The following DSCAML1 variants were observed in gnomAD, a reference collection of about 807,000 sequenced individuals.
DSCAML1 encodes the protein cell adhesion molecule DSCAML1.
Under a neutral mutation model 200.5 loss-of-function variants are expected in DSCAML1, and 38 were observed. The observed-to-expected ratio is 0.19, with a 90% CI of 0.15 to 0.25. The LOEUF (loss-of-function observed/expected upper bound fraction) is 0.25, where lower values mean the gene tolerates loss of function less well. DSCAML1 is among the 10% of genes least tolerant of loss of function. DSCAML1 has a pLI of 1.00. For synonymous variants in DSCAML1, 1,215 were observed against 1,165.0 expected (o/e 1.04, Z -0.87); for missense variants, 2,223 against 2,858.8 (o/e 0.78, Z 5.07).
intron 3 of DSCAML1, among the ~76,000 whole-genome samples, chr11:117,574,103 AC>A (rs1363085423): frequency 1.3e-5 from 2 of 151,794 alleles, no homozygotes; most frequent in Non-Finnish European, 2.9e-5. Flanking sequence ...CCACCCTTCC[AC>A]CTCGACTCCT....
chr11:117,621,546 G>A (rs962936788), intron 3 of DSCAML1, among the ~76,000 whole-genome samples: 4 of 152,168 alleles, frequency 2.6e-5, no homozygotes, highest in African/African-American at 7.2e-5. Context: ...TGAGTCTCAG[G>A]AAAAGGAAAA....
chr11:117,719,109 G>A (rs1381309886), intron 3 of DSCAML1, among the ~76,000 whole-genome samples: 1 of 152,080 alleles, frequency 6.6e-6, no homozygotes. Context: ...AGTAACCTAG[G>A]GGGAGGGTGC....
intron 3 of DSCAML1, among the ~76,000 whole-genome samples, chr11:117,564,790 G>C (rs1413278703): frequency 7.1e-6 from 1 of 141,628 alleles, no homozygotes; most frequent in Non-Finnish European, 1.5e-5. Flanking sequence ...CTTTTTGATG[G>C]AGTCTCGCTC....
At chr11:117,524,060 T>G (rs1384933215) in intron 5 of DSCAML1, among the ~76,000 whole-genome samples, 1 of 151,940 alleles carries the variant, frequency 6.6e-6, no homozygotes, top group African/African-American at 2.4e-5. Flanking sequence ...GGGAAAGGGG[T>G]GAGCTGGGCC....
rs1293034943 is a variant in DSCAML1, at chr11:117,516,138, G to A, written c.1783+329C>T. 6.6e-6 allele frequency among the ~76,000 whole-genome samples: 1 copy of A among 152,160 alleles called. No homozygotes were observed. Among genetic ancestry groups the A allele is most frequent in the Non-Finnish European group, 1.5e-5 (1 of 68,028 alleles). On this transcript the variant is annotated intron_variant, in intron 8 of 32. Transcript: ENST00000651296. This position sits in a 1 kb window ranked among gnomAD's most constrained non-coding sequence, Gnocchi z 5.7. ...TGGGGGCTCCATCCCAACAGCAGAG[G>A]CCCCATGCAGCCCATCTCTGACCTG... is the stretch of plus-strand genomic sequence containing the variant.
chr11:117,749,591 C>G (rs2054571974), intron 3 of DSCAML1, among the ~76,000 whole-genome samples: 1 of 152,238 alleles, frequency 6.6e-6, no homozygotes, highest in Admixed American at 6.5e-5. Flanking sequence ...TCGGAACCAG[C>G]CCATCTGCTG....
rs538658287 is a variant in DSCAML1 at position 117,438,871 on chromosome 11, A to G, written c.4243+14T>C. ...CCTTCCCCTATCTTCCCCCGCATCC[A>G]GACCCCTCCTCACCTCGGATGGAGC... On this transcript the variant is annotated intron_variant, in intron 24 of 32. Coordinates refer to ENST00000651296, the MANE Select transcript of DSCAML1 (RefSeq NM_020693.4). The G allele has an allele frequency of 1.3e-6, 2 of 1,559,646 alleles. No individual in the cohort carries two copies. Among genetic ancestry groups the G allele is most frequent in the Admixed American group, 4.2e-5 (2 of 47,640 alleles).
intron 3 of DSCAML1, among the ~76,000 whole-genome samples, chr11:117,561,894 C>T (rs1283936830): frequency 2.0e-5 from 3 of 152,238 alleles, no homozygotes; most frequent in African/African-American, 4.8e-5. Flanking sequence ...TCCTCAGCAC[C>T]TTCCACAATG....
chr11:117,509,346 G>A (rs573048514), intron 8 of DSCAML1, among the ~76,000 whole-genome samples: 7 of 152,258 alleles, frequency 4.6e-5, no homozygotes, highest in African/African-American at 1.4e-4. Context: ...CAACAGCTCC[G>A]AGAGGCCACT....
chr11:117,538,190 C>T (rs1306902829), intron 3 of DSCAML1, among the ~76,000 whole-genome samples: 1 of 152,096 alleles, frequency 6.6e-6, no homozygotes, highest in Non-Finnish European at 1.5e-5. Context: ...GGCAGAGAAC[C>T]CCTGGATGAG....
intron 3 of DSCAML1, among the ~76,000 whole-genome samples, chr11:117,726,090 C>T (rs1329508441): frequency 6.6e-6 from 1 of 152,216 alleles, no homozygotes; most frequent in Non-Finnish European, 1.5e-5. Flanking sequence ...CCATAGGACA[C>T]CACCCACGAG....
intron 3 of DSCAML1, among the ~76,000 whole-genome samples, chr11:117,572,732 T>C (rs1284088572): frequency 6.6e-6 from 1 of 151,956 alleles, no homozygotes; most frequent in African/African-American, 2.4e-5. Context: ...GGCAAATGAG[T>C]CCCTGCCCTT....
At chr11:117,742,789 G>A (rs1394645749) in intron 3 of DSCAML1, among the ~76,000 whole-genome samples, 8 of 152,196 alleles carry the variant, frequency 5.3e-5, no homozygotes, top group East Asian at 1.9e-4. Flanking sequence ...ATATTTGGAG[G>A]AGAAGGCTGC....
At chr11:117,652,245 C>A (rs114299798) in intron 3 of DSCAML1, among the ~76,000 whole-genome samples, 1 of 152,216 alleles carries the variant, frequency 6.6e-6, no homozygotes, top group African/African-American at 2.4e-5. Context: ...TAGTCTCCAG[C>A]GTGTTGCCTG....
intron 3 of DSCAML1, among the ~76,000 whole-genome samples, chr11:117,579,455 C>T (rs573254812): frequency 1.3e-5 from 2 of 152,322 alleles, no homozygotes; most frequent in South Asian, 2.1e-4. Context: ...CCAGCTGCTC[C>T]TTCTGCTTAG....
chr11:117,558,153 G>A lies in DSCAML1; in HGVS notation c.512-25631C>T, dbSNP rs1022211338. Among the ~76,000 whole-genome samples, 18 of 152,194 alleles carry A rather than the reference G, an allele frequency of 1.2e-4. No homozygotes were observed. In the South Asian group the frequency reaches 1.9e-3, roughly 16 times the overall value. The stretch of plus-strand genomic sequence containing the variant: ...TGTCTCCCAGGCACAGGGCAGTGCC[G>A]GGTGCCATAGAGGCAACAAAAGAAG... On this transcript the variant is annotated intron_variant, in intron 3 of 32. Coordinates refer to ENST00000651296, the MANE Select transcript of DSCAML1 (RefSeq NM_020693.4).
chr11:117,532,280 G>C, intron 4 of DSCAML1, 96 bp downstream of exon 4: 1 of 1,251,024 alleles, frequency 8.0e-7, no homozygotes, highest in Non-Finnish European at 1.1e-6. Flanking sequence ...TACACAGGGG[G>C]CTCCTCCATC....
intron 1 of DSCAML1, among the ~76,000 whole-genome samples, chr11:117,781,268 G>T (rs2055255883): frequency 6.8e-6 from 1 of 148,084 alleles, no homozygotes; most frequent in East Asian, 2.0e-4. Flanking sequence ...TCCAGCCTGG[G>T]CAACAGAGCA....
intron 1 of DSCAML1, among the ~76,000 whole-genome samples, chr11:117,785,680 T>C (rs2055339670): frequency 6.6e-6 from 1 of 152,190 alleles, no homozygotes; most frequent in South Asian, 2.1e-4. Flanking sequence ...GTCTAACTTC[T>C]GTGGCATTTT....
Sources: gnomAD v4.1 joint callset for allele counts (sites outside exome capture counted in the v4.1 genomes callset) on GRCh38, gnomAD v4.1.1 for gene constraint, Gnocchi (gnomAD v3.1) non-coding constraint, MANE v1.5 for transcripts, NCBI Gene and HGNC (gene_info 2026-07-23, HGNC 2026-07-21) for gene names.